The following DTWD2 variants were observed in gnomAD, a reference collection of about 807,000 sequenced individuals.
DTWD2 encodes tRNA-uridine aminocarboxypropyltransferase 2.
DTWD2 carries 39 observed loss-of-function variants against 31.8 expected under a neutral mutation model. The observed-to-expected ratio is 1.22, with a 90% CI of 0.95 to 1.60. The LOEUF (loss-of-function observed/expected upper bound fraction) is 1.60. DTWD2 is among the 40% of genes most tolerant of loss of function. The probability of loss-of-function intolerance (pLI) is 0.00; values close to 1 mark genes in which losing one functional copy is unlikely to be tolerated. For missense variants in DTWD2, 515 were observed against 381.5 expected, an observed-to-expected ratio of 1.35 and a Z score of -2.92; for synonymous variants, 180 against 142.8, an observed-to-expected ratio of 1.26 and a Z score of -1.86.
rs1243849690 is a variant in DTWD2 at position 118,838,696 on chromosome 5, C to G, written c.*2221G>C. On this transcript the variant is annotated 3_prime_UTR_variant, in exon 6 of 6. Transcript: ENST00000510708. The stretch of plus-strand genomic sequence containing the variant: ...CAGGTCAGTAAAGTAATTTGGAAAA[C>G]TATACATACTTCAAGAAAATTTTAT... The G allele has an allele frequency of 2.0e-5, 3 of 152,016 alleles. No homozygotes were observed. The highest frequency in any genetic ancestry group is 4.4e-5 in the Non-Finnish European group (3 of 67,996). The allele number at this position is 152,016 out of a possible 1,614,324, so 9.4% of individuals were successfully genotyped here.
chr5:118,874,840 T>G (rs1265764822), intron 4 of DTWD2, among the ~76,000 whole-genome samples: 1 of 151,846 alleles, frequency 6.6e-6, no homozygotes, highest in Non-Finnish European at 1.5e-5. Flanking sequence ...AGGCCAACAT[T>G]CAAATTCCAG....
At chr5:118,970,696 T>C (rs1754965412) in intron 1 of DTWD2, among the ~76,000 whole-genome samples, 1 of 151,920 alleles carries the variant, frequency 6.6e-6, no homozygotes, top group Admixed American at 6.6e-5. Context: ...CAACAGATTC[T>C]CCAAGGTCAA....
At chr5:118,979,206 A>G (rs1323416780) in intron 1 of DTWD2, among the ~76,000 whole-genome samples, 2 of 152,168 alleles carry the variant, frequency 1.3e-5, no homozygotes, top group Admixed American at 6.5e-5. Context: ...CGGGAGGCTG[A>G]GGCAGGAGAA....
intron 4 of DTWD2, among the ~76,000 whole-genome samples, chr5:118,895,286 T>C (rs1442299561): frequency 6.6e-6 from 1 of 151,942 alleles, no homozygotes; most frequent in Non-Finnish European, 1.5e-5. Context: ...AAAACACCGA[T>C]GAATACATTT....
rs1751673619 is a variant in DTWD2 at position 118,840,012 on chromosome 5, G to C, written c.*905C>G. 6.6e-6 allele frequency: 1 copy of C among 152,058 alleles called. No homozygotes were observed. The highest frequency in any genetic ancestry group is 1.5e-5 in the Non-Finnish European group (1 of 68,010). The allele number at this position is 152,058 out of a possible 1,614,324, so 9.4% of individuals were successfully genotyped here. ...ATGTGTACATAATTGCAGTAGACTT[G>C]TGCTGAATATACATATATGTTACAT... On this transcript the variant is annotated 3_prime_UTR_variant, in exon 6 of 6. Transcript: ENST00000510708.
Position 118,884,635 on chromosome 5 carries a change from A to G in DTWD2, c.598-36417T>C, listed in dbSNP as rs186316252. Among the ~76,000 whole-genome samples the G allele has an allele frequency of 4.6e-3, 696 of 152,232 alleles. 7 individuals are homozygous for G. The highest frequency in any genetic ancestry group is 7.7e-3 in the Admixed American group (117 of 15,292). ...ATCATATGCATAGCTTTTTCCTTTC[A>G]CAAAAATTATTTCTTCAAATATCCT... On this transcript the variant is annotated intron_variant, in intron 4 of 5. Transcript: ENST00000510708.
At chr5:118,896,349 T>C (rs1753083295) in intron 4 of DTWD2, among the ~76,000 whole-genome samples, 1 of 152,152 alleles carries the variant, frequency 6.6e-6, no homozygotes, top group Non-Finnish European at 1.5e-5. Flanking sequence ...AAAATTATAG[T>C]ACATCTGAGC....
intron 4 of DTWD2, among the ~76,000 whole-genome samples, chr5:118,907,190 TCTC>T (rs1236989498): frequency 5.9e-5 from 9 of 152,160 alleles, no homozygotes; most frequent in Non-Finnish European, 1.5e-5. Flanking sequence ...TTTCCCCACT[TCTC>T]CTTTCAAATA....
intron 5 of DTWD2, among the ~76,000 whole-genome samples, chr5:118,847,782 G>C (rs976927551): frequency 2.6e-5 from 4 of 151,936 alleles, no homozygotes; most frequent in Non-Finnish European, 4.4e-5. Context: ...AAAAAGAGAA[G>C]AGAAAACACT....
chr5:118,861,446 A>G (rs1382326494), intron 4 of DTWD2, among the ~76,000 whole-genome samples: 1 of 152,208 alleles, frequency 6.6e-6, no homozygotes, highest in Non-Finnish European at 1.5e-5. Flanking sequence ...AAGGTATTAA[A>G]GTATTATCTT....
At chr5:118,972,142 A>G (rs138788109) in intron 1 of DTWD2, among the ~76,000 whole-genome samples, 1 of 152,350 alleles carries the variant, frequency 6.6e-6, no homozygotes, top group East Asian at 1.9e-4. Flanking sequence ...TGAAGGAGAC[A>G]GAGATATGAC....
intron 1 of DTWD2, among the ~76,000 whole-genome samples, chr5:118,955,768 C>A (rs897006008): frequency 1.3e-5 from 2 of 151,498 alleles, no homozygotes; most frequent in African/African-American, 4.9e-5. Flanking sequence ...TATGCTCCAG[C>A]CTGGACAACA....
chr5:118,870,970 G>T (rs1445871365), intron 4 of DTWD2, among the ~76,000 whole-genome samples: 1 of 149,172 alleles, frequency 6.7e-6, no homozygotes, highest in African/African-American at 2.4e-5. Flanking sequence ...ATATAACTAA[G>T]CTTATATAAT....
At chr5:118,960,686 A>T (rs1229228096) in intron 1 of DTWD2, among the ~76,000 whole-genome samples, 1 of 152,226 alleles carries the variant, frequency 6.6e-6, no homozygotes, top group Non-Finnish European at 1.5e-5. Context: ...CTAAATGAGC[A>T]TCAGTGGTAG....
At chr5:118,858,058 C>T (rs1276443269) in intron 4 of DTWD2, among the ~76,000 whole-genome samples, 1 of 152,050 alleles carries the variant, frequency 6.6e-6, no homozygotes, top group African/African-American at 2.4e-5. Flanking sequence ...TAGAAGACAC[C>T]CAACTGACCC....
At chr5:118,952,251 C>T (rs1337996879) in intron 1 of DTWD2, among the ~76,000 whole-genome samples, 2 of 152,134 alleles carry the variant, frequency 1.3e-5, no homozygotes, top group African/African-American at 2.4e-5. Flanking sequence ...TCCCCCAATC[C>T]GAGTCACGGC....
chr5:118,847,100 GCTAT>G (rs1554060936), intron 5 of DTWD2, among the ~76,000 whole-genome samples: 1 of 152,038 alleles, frequency 6.6e-6, no homozygotes, highest in Non-Finnish European at 1.5e-5. Context: ...CCTTGCTTTT[GCTAT>G]CTTTTTGTTC....
intron 4 of DTWD2, among the ~76,000 whole-genome samples, chr5:118,903,954 G>C (rs780019131): frequency 1.3e-5 from 2 of 151,994 alleles, no homozygotes; most frequent in Admixed American, 6.5e-5. Flanking sequence ...CAAAAGGATA[G>C]AGGATCTAAA....
At chr5:118,883,100 A>G (rs1366458223) in intron 4 of DTWD2, among the ~76,000 whole-genome samples, 5 of 152,238 alleles carry the variant, frequency 3.3e-5, no homozygotes, top group African/African-American at 1.2e-4. Context: ...TTTGCTGCTT[A>G]GAAATTTGTT....
Sources: gnomAD v4.1 joint callset for allele counts (sites outside exome capture counted in the v4.1 genomes callset) on GRCh38, gnomAD v4.1.1 for gene constraint, MANE v1.5 for transcripts, NCBI Gene and HGNC (gene_info 2026-07-23, HGNC 2026-07-21) for gene names.